Variants in MMS22L observed in about 807,000 individuals in gnomAD.
The protein encoded by MMS22L is MMS22 like, DNA repair protein.
In MMS22L, 74 loss-of-function variants were observed where a neutral mutation model predicts 159.1. The ratio of observed to expected loss-of-function variants is 0.47; its 90% CI spans 0.39 to 0.56. The LOEUF is 0.56. MMS22L is among the 20% of genes least tolerant of loss of function. MMS22L has a pLI of 0.00. For synonymous variants in MMS22L, 517 were observed against 506.9 expected (o/e 1.02, Z -0.27); for missense variants, 1,351 against 1,422.1 (o/e 0.95, Z 0.80).
At position 97,282,364 on chromosome 6, in the gene MMS22L, T is replaced by TGGAGAAA; in HGVS notation, c.113_114insTTTCTCC (p.Gly39PhefsTer18). 1 of 1,614,142 alleles carries TGGAGAAA rather than the reference T, an allele frequency of 6.2e-7. No homozygotes were observed. The highest frequency in any genetic ancestry group is 1.7e-5 in the Admixed American group (1 of 60,016). The stretch of plus-strand genomic sequence containing the variant: ...AGGATTCTCCAGAAAAATGTTTTCC[T>TGGAGAAA]CCTCCTCTGTTGTCAACAGCACAAG... On this transcript the variant is annotated frameshift_variant, in exon 2 of 25. Coordinates refer to ENST00000683635, the MANE Select transcript of MMS22L (RefSeq NM_001350599.2). LOFTEE classifies it high-confidence loss of function.
chr6:97,201,330 C>CA (rs1418266981), intron 14 of MMS22L, among the ~76,000 whole-genome samples: 3 of 152,094 alleles, frequency 2.0e-5, no homozygotes, highest in Non-Finnish European at 4.4e-5. Flanking sequence ...CATGATCTTT[C>CA]AGAACATGTG....
At chr6:97,260,474 T>C (rs1814341887) in intron 9 of MMS22L, 1 of 152,180 alleles carries the variant, frequency 6.6e-6, no homozygotes, top group South Asian at 2.1e-4. Context: ...ACGGATATAA[T>C]TTTCCTCTTC....
chr6:97,234,317 T>C (rs1312010448), intron 11 of MMS22L, among the ~76,000 whole-genome samples: 2 of 152,146 alleles, frequency 1.3e-5, no homozygotes, highest in East Asian at 1.9e-4. Context: ...GCAAAAATGA[T>C]GTAACGATTA....
At chr6:97,267,723 T>C in intron 8 of MMS22L, 149 bp downstream of exon 8, 1 of 610,064 alleles carries the variant, frequency 1.6e-6, no homozygotes, top group Non-Finnish European at 2.4e-6. Flanking sequence ...TAAAAATTGT[T>C]TTCCCTTTCA....
chr6:97,228,349 T>C (rs893294976), intron 14 of MMS22L, among the ~76,000 whole-genome samples: 5 of 152,196 alleles, frequency 3.3e-5, no homozygotes, highest in Admixed American at 2.6e-4. Flanking sequence ...GAAAAGCTAT[T>C]GTTTGAAAAA....
chr6:97,245,329 C>T (rs1453298480), intron 11 of MMS22L, among the ~76,000 whole-genome samples: 1 of 152,022 alleles, frequency 6.6e-6, no homozygotes. Flanking sequence ...AATTAAACCC[C>T]TAGTTACTGA....
In MMS22L at chr6:97,165,146, A is replaced by G. The variant is rs1408437164; in HGVS notation, c.3221+100T>C. Reference sequence around the variant, plus strand: ...GAAAACAAAAAGCTTCTGAACTACTAGTATCCTAAGGGTTGCCAATATGTT... The same window carrying G: ...GAAAACAAAAAGCTTCTGAACTACTGGTATCCTAAGGGTTGCCAATATGTT... On this transcript the variant is annotated intron_variant, in intron 21 of 24. Coordinates refer to ENST00000683635, the MANE Select transcript of MMS22L (RefSeq NM_001350599.2). The G allele has an allele frequency of 6.4e-6, 6 of 939,642 alleles. No individual in the cohort carries two copies. The African/African-American group carries it at 1.0e-4, about 16-fold the overall frequency. 58.2% of individuals were successfully genotyped at this position (939,642 alleles called of 1,614,324 possible).
chr6:97,224,581 A>T (rs923974951), intron 14 of MMS22L, among the ~76,000 whole-genome samples: 1 of 151,774 alleles, frequency 6.6e-6, no homozygotes, highest in South Asian at 2.1e-4. Flanking sequence ...AAAAACTTAC[A>T]AAATAAAAAG....
chr6:97,168,720 A>G (rs1803232510), intron 19 of MMS22L, among the ~76,000 whole-genome samples: 1 of 152,086 alleles, frequency 6.6e-6, no homozygotes, highest in African/African-American at 2.4e-5. Flanking sequence ...GGGCTAGTCA[A>G]CCTGTTTACA....
intron 14 of MMS22L, among the ~76,000 whole-genome samples, chr6:97,195,226 GCA>G (rs1386839298): frequency 6.6e-6 from 1 of 152,128 alleles, no homozygotes; most frequent in African/African-American, 2.4e-5. Flanking sequence ...GCTGGGCCTG[GCA>G]CAGTTTCACA....
rs112011518 is a variant in MMS22L at position 97,215,860 on chromosome 6, A to G, written c.2039+13034T>C. 7.2e-3 allele frequency among the ~76,000 whole-genome samples: 1,103 copies of G among 152,298 alleles called. 15 individuals are homozygous for G. Among genetic ancestry groups the G allele is most frequent in the African/African-American group, 0.025 (1,030 of 41,550 alleles). ...AGCTCACCAGGGGGAAATAGGCCTTAGGAGACTGAAATGGAATAAAGAAAA... is the reference window on the plus strand; with the variant it reads ...AGCTCACCAGGGGGAAATAGGCCTTGGGAGACTGAAATGGAATAAAGAAAA... On this transcript the variant is annotated intron_variant, in intron 14 of 24. Coordinates refer to ENST00000683635, the MANE Select transcript of MMS22L (RefSeq NM_001350599.2).
chr6:97,195,472 AC>A (rs1438214129), intron 14 of MMS22L, among the ~76,000 whole-genome samples: 3 of 152,240 alleles, frequency 2.0e-5, no homozygotes, highest in Admixed American at 6.5e-5. Flanking sequence ...AATGAAAAAA[AC>A]GTAACCACTT....
In MMS22L at chr6:97,146,674, T is replaced by C. The variant is rs1800938373; in HGVS notation, c.*132A>G. On this transcript the variant is annotated 3_prime_UTR_variant, in exon 25 of 25. Coordinates refer to ENST00000683635, the MANE Select transcript of MMS22L (RefSeq NM_001350599.2). ...TATTTATACATTTTTTACTTACAGATATAAAAGGAAAAAAAATCCTAGAAA... is the reference window on the plus strand; with the variant it reads ...TATTTATACATTTTTTACTTACAGACATAAAAGGAAAAAAAATCCTAGAAA... The C allele has an allele frequency of 1.8e-6, 1 of 546,350 alleles. No homozygotes were observed. The highest frequency in any genetic ancestry group is 3.0e-6 in the Non-Finnish European group (1 of 330,066). 33.8% of individuals were successfully genotyped at this position (546,350 alleles called of 1,614,324 possible).
At chr6:97,200,162 G>C (rs990675930) in intron 14 of MMS22L, among the ~76,000 whole-genome samples, 2 of 152,080 alleles carry the variant, frequency 1.3e-5, no homozygotes, top group Non-Finnish European at 2.9e-5. Flanking sequence ...ACTAATACAT[G>C]TTTAAGATCA....
chr6:97,249,489 T>G (rs1328767278), intron 10 of MMS22L, among the ~76,000 whole-genome samples: 4 of 152,164 alleles, frequency 2.6e-5, no homozygotes. Context: ...CCCTGAAACT[T>G]GGTAGTTGGC....
At chr6:97,245,012 A>C (rs1052215941) in intron 11 of MMS22L, among the ~76,000 whole-genome samples, 1 of 152,094 alleles carries the variant, frequency 6.6e-6, no homozygotes, top group Non-Finnish European at 1.5e-5. Flanking sequence ...CCCAGCTCCC[A>C]TGCAGCCAGC....
chr6:97,208,500 T>C (rs550992463), intron 14 of MMS22L, among the ~76,000 whole-genome samples: 2 of 152,070 alleles, frequency 1.3e-5, no homozygotes, highest in Non-Finnish European at 2.9e-5. Context: ...GTGATACAAA[T>C]ATGAACAGGG....
intron 14 of MMS22L, among the ~76,000 whole-genome samples, chr6:97,206,934 G>T (rs1807851548): frequency 6.6e-6 from 1 of 152,066 alleles, no homozygotes; most frequent in Non-Finnish European, 1.5e-5. Context: ...CTACCTTGGA[G>T]CTCTTTCTTT....
intron 19 of MMS22L, among the ~76,000 whole-genome samples, chr6:97,172,219 A>C (rs867528292): frequency 2.0e-5 from 3 of 152,266 alleles, no homozygotes; most frequent in Middle Eastern, 3.4e-3. Flanking sequence ...CTCTAAAATT[A>C]AGATGCCTGA....
Sources: allele counts gnomAD v4.1 joint callset (sites outside exome capture counted in the v4.1 genomes callset), GRCh38; gene constraint gnomAD v4.1.1; transcripts MANE v1.5; gene names NCBI Gene and HGNC (gene_info 2026-07-23, HGNC 2026-07-21).